Variants in GPC5 observed in about 807,000 individuals in gnomAD.
GPC5 encodes glypican 5.
GPC5 carries 47 observed loss-of-function variants against 53.9 expected under a neutral mutation model. The observed-to-expected ratio is 0.87, with a 90% CI of 0.69 to 1.11. GPC5 has a LOEUF of 1.11. GPC5 is among the 50% of genes most tolerant of loss of function. The pLI is 0.00. For missense variants in GPC5, 748 were observed against 713.1 expected (o/e 1.05, Z -0.56); for synonymous variants, 286 against 263.3 (o/e 1.09, Z -0.84).
At chr13:92,747,860 TC>T (rs1241944735) in intron 7 of GPC5, among the ~76,000 whole-genome samples, 1 of 152,208 alleles carries the variant, frequency 6.6e-6, no homozygotes, top group Non-Finnish European at 1.5e-5. Context: ...CTGCTATAAA[TC>T]CTTTTTAGAA....
At chr13:92,568,521 G>T (rs1448481130) in intron 7 of GPC5, among the ~76,000 whole-genome samples, 1 of 152,070 alleles carries the variant, frequency 6.6e-6, no homozygotes. Flanking sequence ...TATTTAGTTT[G>T]TTATAACATT....
chr13:91,660,755 C>A (rs1186150922), intron 2 of GPC5, among the ~76,000 whole-genome samples: 1 of 152,066 alleles, frequency 6.6e-6, no homozygotes, highest in African/African-American at 2.4e-5. Flanking sequence ...TCAGAAGGGA[C>A]CATTTCTATC....
At chr13:92,851,183 A>T (rs1878786808) in intron 7 of GPC5, among the ~76,000 whole-genome samples, 1 of 151,972 alleles carries the variant, frequency 6.6e-6, no homozygotes, top group Admixed American at 6.6e-5. Context: ...CAAGGGGGAA[A>T]TCTGCCCCCA....
At chr13:92,288,194 T>A (rs2139179529) in intron 7 of GPC5, among the ~76,000 whole-genome samples, 1 of 152,334 alleles carries the variant, frequency 6.6e-6, no homozygotes, top group South Asian at 2.1e-4. Context: ...TCTTCATATA[T>A]TTGATCATAT....
At chr13:91,770,703 T>C (rs1270809470) in intron 5 of GPC5, among the ~76,000 whole-genome samples, 1 of 133,084 alleles carries the variant, frequency 7.5e-6, no homozygotes, top group African/African-American at 3.1e-5. Context: ...AGACTGTGTG[T>C]TTGTGTGTGT....
rs796954277 is a variant in GPC5 at position 91,478,820 on chromosome 13, T to C, written c.325+29898T>C. Reference sequence around the variant, plus strand: ...TTATATATATATATATATATATATATATACACACACACACATATATATACA... The same window carrying C: ...TTATATATATATATATATATATATACATACACACACACACATATATATACA... On this transcript the variant is annotated intron_variant, in intron 2 of 7. Transcript: ENST00000377067. Among the ~76,000 whole-genome samples the C allele has an allele frequency of 4.9e-4, 55 of 112,812 alleles. 1 individual carries two copies. Among genetic ancestry groups the C allele is most frequent in the Non-Finnish European group, 7.2e-4 (41 of 56,826 alleles). 74.0% of individuals were successfully genotyped at this position (112,812 alleles called of 152,430 possible).
chr13:91,542,783 C>T (rs992515290), intron 2 of GPC5, among the ~76,000 whole-genome samples: 1 of 151,460 alleles, frequency 6.6e-6, no homozygotes, highest in Non-Finnish European at 1.5e-5. Flanking sequence ...TCCCAGGTTC[C>T]ATCGATTCTC....
chr13:91,571,801 A>G (rs1330127361), intron 2 of GPC5, among the ~76,000 whole-genome samples: 1 of 115,740 alleles, frequency 8.6e-6, no homozygotes, highest in East Asian at 2.6e-4. Flanking sequence ...GTGTGTATAT[A>G]TACACACACA....
At chr13:91,456,194 T>C (rs1881535165) in intron 2 of GPC5, among the ~76,000 whole-genome samples, 1 of 152,150 alleles carries the variant, frequency 6.6e-6, no homozygotes, top group Admixed American at 6.5e-5. Flanking sequence ...TGCTTTTTGA[T>C]CAGCCTGTTG....
At chr13:91,441,597 G>T (rs1594095583) in intron 1 of GPC5, among the ~76,000 whole-genome samples, 1 of 152,110 alleles carries the variant, frequency 6.6e-6, no homozygotes, top group Admixed American at 6.5e-5. Flanking sequence ...TGCTTTCCTG[G>T]ATTTTCAAAG....
At chr13:91,730,192 A>T (rs1368945000) in intron 4 of GPC5, among the ~76,000 whole-genome samples, 1 of 152,216 alleles carries the variant, frequency 6.6e-6, no homozygotes, top group Non-Finnish European at 1.5e-5. Context: ...CACTCTTTAG[A>T]GGGGCTTCAT....
intron 2 of GPC5, among the ~76,000 whole-genome samples, chr13:91,645,804 C>T (rs1461421630): frequency 6.6e-6 from 1 of 152,166 alleles, no homozygotes; most frequent in Non-Finnish European, 1.5e-5. Context: ...GGTTGTAATG[C>T]AGACTTCTGG....
chr13:92,380,926 A>G (rs955309881), intron 7 of GPC5, among the ~76,000 whole-genome samples: 3 of 137,754 alleles, frequency 2.2e-5, no homozygotes, highest in Admixed American at 7.0e-5. Context: ...GAAAAAAAAG[A>G]AAAAAAAAAG....
At chr13:91,780,575 TC>T (rs2037782882) in intron 5 of GPC5, among the ~76,000 whole-genome samples, 1 of 152,210 alleles carries the variant, frequency 6.6e-6, no homozygotes, top group Non-Finnish European at 1.5e-5. Flanking sequence ...TGTTATTGTT[TC>T]CCCAACAGAT....
At position 92,108,551 on chromosome 13, in the gene GPC5, T is replaced by C. The variant is rs76645172; in HGVS notation, c.1402-36279T>C. Among the ~76,000 whole-genome samples the C allele has an allele frequency of 1.2e-3, 182 of 152,294 alleles. 1 individual carries two copies. Among genetic ancestry groups the C allele is most frequent in the African/African-American group, 4.1e-3 (172 of 41,580 alleles). On this transcript the variant is annotated intron_variant, in intron 6 of 7. Transcript: ENST00000377067. ...AACTTAGAATATTCTACAATCACTG[T>C]CTTTGCTTTGTCACCACATAAACTG...
intron 7 of GPC5, among the ~76,000 whole-genome samples, chr13:92,413,068 C>T (rs1876118716): frequency 1.3e-5 from 2 of 152,116 alleles, no homozygotes; most frequent in Non-Finnish European, 1.5e-5. Context: ...TCAAAGCAAC[C>T]CACTGAAGTA....
At chr13:92,818,849 A>G (rs537226025) in intron 7 of GPC5, among the ~76,000 whole-genome samples, 3 of 152,118 alleles carry the variant, frequency 2.0e-5, no homozygotes, top group Non-Finnish European at 4.4e-5. Flanking sequence ...TAAAAATAAT[A>G]CACTGCTCTA....
intron 7 of GPC5, among the ~76,000 whole-genome samples, chr13:92,800,183 A>G (rs1876846708): frequency 6.6e-6 from 1 of 151,876 alleles, no homozygotes; most frequent in Non-Finnish European, 1.5e-5. Context: ...GCCATGTAAA[A>G]TAACTATACA....
intron 6 of GPC5, among the ~76,000 whole-genome samples, chr13:92,026,973 G>C (rs1354094474): frequency 6.6e-6 from 1 of 152,092 alleles, no homozygotes; most frequent in Non-Finnish European, 1.5e-5. Context: ...ATATTTATTT[G>C]AGTGATCAGT....
Sources: gnomAD v4.1 joint callset for allele counts (sites outside exome capture counted in the v4.1 genomes callset) on GRCh38, gnomAD v4.1.1 for gene constraint, MANE v1.5 for transcripts, NCBI Gene and HGNC (gene_info 2026-07-23, HGNC 2026-07-21) for gene names.